The following SRD5A1 variants were observed in gnomAD, a reference collection of about 807,000 sequenced individuals.
SRD5A1 encodes the protein steroid 5 alpha-reductase 1, also known as 3-oxo-5-alpha-steroid 4-dehydrogenase 1.
Under a neutral mutation model 28.2 loss-of-function variants are expected in SRD5A1, and 22 were observed. The ratio of observed to expected loss-of-function variants is 0.78; its 90% CI spans 0.56 to 1.12. SRD5A1 has a LOEUF of 1.12. SRD5A1 is among the 50% of genes most tolerant of loss of function. The pLI, the probability that SRD5A1 is intolerant of heterozygous loss-of-function variation, is 0.00. For missense variants in SRD5A1, 300 were observed against 346.7 expected (o/e 0.87, Z 1.07); for synonymous variants, 151 against 135.0 (o/e 1.12, Z -0.82).
rs148070256 is a variant in SRD5A1, at chr5:6,637,410, C to T, written c.293+3541C>T. Among the ~76,000 whole-genome samples, 124 of 152,272 alleles carry T rather than the reference C, an allele frequency of 8.1e-4. 1 individual carries two copies. Among genetic ancestry groups the T allele is most frequent in the African/African-American group, 2.9e-3 (121 of 41,544 alleles). ...TCTTCCCCACTGGTCTTTCTCTACC[C>T]TCGTTTGTAAATCCTGCTTTGCTAG... On this transcript the variant is annotated intron_variant, in intron 1 of 4. Transcript: ENST00000274192.
At chr5:6,655,041 T>C (rs1193123286) in intron 2 of SRD5A1, among the ~76,000 whole-genome samples, 1 of 152,178 alleles carries the variant, frequency 6.6e-6, no homozygotes, top group Non-Finnish European at 1.5e-5. Context: ...TAAAAGCTGA[T>C]TACAGTGGCA....
Position 6,666,941 on chromosome 5 carries a change from C to T in SRD5A1, c.714-1261C>T, listed in dbSNP as rs3797178. Among the ~76,000 whole-genome samples, 18 of 152,320 alleles carry T rather than the reference C, an allele frequency of 1.2e-4. No homozygotes were observed. In the East Asian group the frequency reaches 2.3e-3, roughly 20 times the overall value. On this transcript the variant is annotated intron_variant, in intron 4 of 4. Transcript: ENST00000274192. ...TCGGGCCAGGGTGCCCATCTTCCCA[C>T]GGGCAGTTTCTGGGAGAGAGGCGCT...
chr5:6,633,645 G>A lies in SRD5A1; in HGVS notation c.69G>A (p.Val23=), dbSNP rs750440844. 53 of 1,562,368 alleles carry A rather than the reference G, an allele frequency of 3.4e-5. No homozygotes were observed. Among genetic ancestry groups the A allele is most frequent in the Non-Finnish European group, 4.4e-5 (51 of 1,161,430 alleles). ...LAALAYLQCA[V]GCAVFARNRQ... ...CGCTCGCCTACCTGCAGTGCGCCGT[G>A]GGCTGCGCGGTCTTCGCGCGCAATC... Residue 23 remains valine (V), a synonymous_variant, in exon 1 of 5, where the codon GTG becomes GTA. Coordinates refer to ENST00000274192, the MANE Select transcript of SRD5A1 (RefSeq NM_001047.4).
chr5:6,647,479 A>T (rs1181454670), intron 1 of SRD5A1, among the ~76,000 whole-genome samples: 1 of 152,170 alleles, frequency 6.6e-6, no homozygotes. Context: ...GTGCATATAT[A>T]TCTAGGATAG....
intron 1 of SRD5A1, among the ~76,000 whole-genome samples, chr5:6,645,796 T>C (rs1738492028): frequency 6.6e-6 from 1 of 152,216 alleles, no homozygotes; most frequent in Admixed American, 6.5e-5. Flanking sequence ...TATTTTTGCC[T>C]TGTCTGGATT....
intron 4 of SRD5A1, among the ~76,000 whole-genome samples, chr5:6,667,840 G>A (rs1579419448): frequency 1.3e-5 from 2 of 152,274 alleles, no homozygotes; most frequent in Admixed American, 1.3e-4. Context: ...TCACCAGCAG[G>A]TATTCAGGAA....
At chr5:6,658,988 A>G (rs1053148882) in intron 3 of SRD5A1, among the ~76,000 whole-genome samples, 4 of 151,880 alleles carry the variant, frequency 2.6e-5, no homozygotes, top group African/African-American at 9.7e-5. Context: ...ATGGTGGTGC[A>G]CACCTGTAGT....
rs1426292620 is a variant in SRD5A1, at chr5:6,633,457, G to T, written c.-120G>T. The T allele has an allele frequency of 1.7e-6, 2 of 1,166,010 alleles. No individual in the cohort carries two copies. The highest frequency in any genetic ancestry group is 2.3e-6 in the Non-Finnish European group (2 of 880,900). 72.2% of individuals were successfully genotyped at this position (1,166,010 alleles called of 1,614,324 possible). A position where few individuals can be genotyped will look rare whatever the true frequency, so the allele number is the denominator to read the frequency against. On this transcript the variant is annotated 5_prime_UTR_variant, in exon 1 of 5. Transcript: ENST00000274192. ...TTGAGAACCCTTTCTGCAGAGTCCC[G>T]GCAGTGCGGGACTCCGGTAGCCGCC...
intron 4 of SRD5A1, among the ~76,000 whole-genome samples, chr5:6,666,493 C>T (rs529367789): frequency 2.7e-4 from 41 of 152,224 alleles, no homozygotes; most frequent in Non-Finnish European, 4.1e-4. Flanking sequence ...TGAAATCTTT[C>T]TATAATAATC....
intron 4 of SRD5A1, among the ~76,000 whole-genome samples, chr5:6,664,940 G>A (rs1739118038): frequency 6.6e-6 from 1 of 152,258 alleles, no homozygotes; most frequent in Admixed American, 6.5e-5. Flanking sequence ...TGAGAAGGAG[G>A]CTCAATGCCA....
chr5:6,662,706 A>G (rs971824088), intron 3 of SRD5A1, 110 bp from the exon 4 acceptor site: 8 of 1,213,322 alleles, frequency 6.6e-6, no homozygotes, highest in Non-Finnish European at 8.2e-6. Context: ...TAAGGATAAT[A>G]TTTTTCCGTT....
At chr5:6,644,435 A>G (rs958129201) in intron 1 of SRD5A1, among the ~76,000 whole-genome samples, 3 of 152,098 alleles carry the variant, frequency 2.0e-5, no homozygotes, top group Admixed American at 1.3e-4. Flanking sequence ...TCTATCCTGC[A>G]GTTTGCCTAG....
At chr5:6,655,933 G>GA (rs1231181806) in intron 2 of SRD5A1, 145 bp from the exon 3 acceptor site, 1 of 634,428 alleles carries the variant, frequency 1.6e-6, no homozygotes, top group Non-Finnish European at 2.8e-6. Context: ...AGTCCTTAAT[G>GA]GTTTTTACTA....
At chr5:6,648,713 C>T (rs369469129) in intron 1 of SRD5A1, among the ~76,000 whole-genome samples, 16 of 152,258 alleles carry the variant, frequency 1.1e-4, no homozygotes, top group African/African-American at 3.1e-4. Context: ...AGAACATGCT[C>T]CTTTGGCTCA....
intron 1 of SRD5A1, among the ~76,000 whole-genome samples, chr5:6,650,504 A>G (rs1738638364): frequency 6.6e-6 from 1 of 152,082 alleles, no homozygotes; most frequent in African/African-American, 2.4e-5. Flanking sequence ...CACTTATATT[A>G]AAAAGAAAAT....
Position 6,637,468 on chromosome 5 carries a change from T to C in SRD5A1, c.293+3599T>C, listed in dbSNP as rs16877731. Among the ~76,000 whole-genome samples, 652 of 152,264 alleles carry C rather than the reference T, an allele frequency of 4.3e-3. 3 individuals carry two copies. Among genetic ancestry groups the C allele is most frequent in the African/African-American group, 0.015 (618 of 41,548 alleles). ...AAAAGTCTCCCGGAGTCAAGGGCAT[T>C]AGCTCTGAACTGTGTCGGAGTCGCT... On this transcript the variant is annotated intron_variant, in intron 1 of 4. Coordinates refer to ENST00000274192, the MANE Select transcript of SRD5A1 (RefSeq NM_001047.4).
intron 4 of SRD5A1, 32 bp from the exon 5 acceptor site, chr5:6,668,169 GA>G (rs552032632): frequency 1.8e-4 from 243 of 1,367,622 alleles, no homozygotes; most frequent in Non-Finnish European, 2.3e-4. Context: ...CTAAGCGACA[GA>G]ATTATTTCCT....
At chr5:6,656,681 A>T (rs1738844315) in intron 3 of SRD5A1, among the ~76,000 whole-genome samples, 1 of 152,192 alleles carries the variant, frequency 6.6e-6, no homozygotes, top group African/African-American at 2.4e-5. Context: ...GCTGGTTTAT[A>T]ACCCAGATTC....
At chr5:6,650,827 T>C (rs1738650276) in intron 1 of SRD5A1, among the ~76,000 whole-genome samples, 1 of 127,488 alleles carries the variant, frequency 7.8e-6, no homozygotes, top group African/African-American at 2.9e-5. Flanking sequence ...CAGAGTGTGA[T>C]GTTCCCCTTC....
Sources: gnomAD v4.1 joint callset for allele counts (sites outside exome capture counted in the v4.1 genomes callset) on GRCh38, gnomAD v4.1.1 for gene constraint, MANE v1.5 for transcripts, NCBI Gene and HGNC (gene_info 2026-07-23, HGNC 2026-07-21) for gene names.